Variants in LDLRAD4 observed in about 807,000 individuals in gnomAD.
The protein encoded by LDLRAD4 is low density lipoprotein receptor class A domain containing 4, also known as low-density lipoprotein receptor class A domain-containing protein 4.
In LDLRAD4, 5 loss-of-function variants were observed where a neutral mutation model predicts 17.0. The observed-to-expected ratio is 0.29, with a 90% CI of 0.15 to 0.62. The LOEUF (loss-of-function observed/expected upper bound fraction) is 0.62, where lower values mean the gene tolerates loss of function less well. Among genes scored for constraint, LDLRAD4 ranks in the 20% least tolerant of loss-of-function variants. The probability of loss-of-function intolerance (pLI) is 0.84; values close to 1 mark genes in which losing one functional copy is unlikely to be tolerated. For synonymous variants in LDLRAD4, 168 were observed against 171.8 expected (o/e 0.98, Z 0.17); for missense variants, 340 against 424.7 (o/e 0.80, Z 1.75).
At chr18:13,347,718 G>A (rs551540072) in intron 1 of LDLRAD4, among the ~76,000 whole-genome samples, 146 of 152,282 alleles carry the variant, frequency 9.6e-4, no homozygotes, top group South Asian at 6.4e-3. Context: ...CCAATCAGAC[G>A]TAGATTTGGT....
chr18:13,337,740 T>TAA (rs5823248), intron 1 of LDLRAD4, among the ~76,000 whole-genome samples: 46,340 of 135,664 alleles, frequency 0.34, 7,989 homozygotes, highest in South Asian at 0.44. Flanking sequence ...TTACAAAAAG[T>TAA]AAAAAAAAAA....
intron 1 of LDLRAD4, among the ~76,000 whole-genome samples, chr18:13,304,585 AGG>A (rs1372732452): frequency 6.6e-6 from 1 of 152,212 alleles, no homozygotes; most frequent in Non-Finnish European, 1.5e-5. Flanking sequence ...GACTCCCCTG[AGG>A]AATGAGGCCA....
intron 2 of LDLRAD4, among the ~76,000 whole-genome samples, chr18:13,402,930 A>G (rs2087361085): frequency 6.6e-6 from 1 of 152,242 alleles, no homozygotes; most frequent in Non-Finnish European, 1.5e-5. Context: ...CAAAACTTAG[A>G]AACAACAATA....
intron 3 of LDLRAD4, among the ~76,000 whole-genome samples, chr18:13,571,112 G>T (rs1786490): frequency 0.27 from 40,792 of 151,996 alleles, 6,700 homozygotes; most frequent in African/African-American, 0.46. Flanking sequence ...GAGCCACCAC[G>T]CCTGGCATGC....
chr18:13,329,957 T>C (rs1362062360), intron 1 of LDLRAD4, among the ~76,000 whole-genome samples: 1 of 149,370 alleles, frequency 6.7e-6, no homozygotes, highest in Admixed American at 6.8e-5. Flanking sequence ...TTCCACTCCC[T>C]CCAATTTTTT....
At chr18:13,644,832 C>T (rs1045196754) in intron 5 of LDLRAD4, 7 of 388,902 alleles carry the variant, frequency 1.8e-5, no homozygotes, top group South Asian at 1.2e-4. Flanking sequence ...AAAATGCACA[C>T]GTAGCACGCA....
At chr18:13,584,186 T>G (rs1356822787) in intron 3 of LDLRAD4, among the ~76,000 whole-genome samples, 1 of 152,232 alleles carries the variant, frequency 6.6e-6, no homozygotes, top group Non-Finnish European at 1.5e-5. Context: ...GGACTCCAAT[T>G]GCTTAGGGTT....
At chr18:13,285,269 G>A (rs944946245) in intron 1 of LDLRAD4, among the ~76,000 whole-genome samples, 16 of 152,266 alleles carry the variant, frequency 1.1e-4, no homozygotes, top group African/African-American at 3.9e-4. Flanking sequence ...TCTCAGGAGG[G>A]TTTTGACCTC....
intron 3 of LDLRAD4, chr18:13,472,009 A>G (rs759992990): frequency 6.6e-6 from 1 of 152,226 alleles, no homozygotes; most frequent in Non-Finnish European, 1.5e-5. Context: ...TGTGCAGAGA[A>G]ACTGCACTCT....
At position 13,570,407 on chromosome 18, in the gene LDLRAD4, C is replaced by T. The variant is rs540525973; in HGVS notation, c.182-50710C>T. On this transcript the variant is annotated intron_variant, in intron 3 of 5. Coordinates refer to ENST00000359446, the Ensembl canonical transcript of LDLRAD4. ...GGTCCACACAGGCAGTTATCAGGGC[C>T]AGAGGAGTGGCAGAGACTCCAGCGA... Among the ~76,000 whole-genome samples the T allele has an allele frequency of 9.8e-5, 15 of 152,348 alleles. No homozygotes were observed. The East Asian group carries it at 2.5e-3, about 25-fold the overall frequency.
At chr18:13,290,995 A>T (rs1290647652) in intron 1 of LDLRAD4, among the ~76,000 whole-genome samples, 1 of 152,200 alleles carries the variant, frequency 6.6e-6, no homozygotes, top group African/African-American at 2.4e-5. Flanking sequence ...TGGGGATTTT[A>T]ATTTCCTGGG....
intron 1 of LDLRAD4, among the ~76,000 whole-genome samples, chr18:13,329,642 T>C (rs2081738390): frequency 6.6e-6 from 1 of 152,246 alleles, no homozygotes; most frequent in Non-Finnish European, 1.5e-5. Flanking sequence ...GTCATTTTTT[T>C]CAAACAAGAC....
chr18:13,380,081 T>C lies in LDLRAD4; in HGVS notation c.-382-7260T>C, dbSNP rs371623246. On this transcript the variant is annotated intron_variant, in intron 1 of 5. Transcript: ENST00000359446. ...GGGTGGGGCTGGGTTGGGAGGGGCATTGCCGCTGCTTGGCTGGTGGCCACA... is the reference window on the plus strand; with the variant it reads ...GGGTGGGGCTGGGTTGGGAGGGGCACTGCCGCTGCTTGGCTGGTGGCCACA... Among the ~76,000 whole-genome samples the C allele has an allele frequency of 2.2e-3, 335 of 151,382 alleles. 2 individuals are homozygous for C. The highest frequency in any genetic ancestry group is 7.6e-3 in the African/African-American group (314 of 41,362).
intron 4 of LDLRAD4, among the ~76,000 whole-genome samples, chr18:13,628,067 G>A (rs915051200): frequency 2.6e-5 from 4 of 152,002 alleles, no homozygotes; most frequent in Admixed American, 6.6e-5. Context: ...GGGATCCCTC[G>A]GAGGGCACAG....
intron 4 of LDLRAD4, among the ~76,000 whole-genome samples, chr18:13,623,166 C>A (rs909101341): frequency 6.6e-6 from 1 of 152,236 alleles, no homozygotes; most frequent in Admixed American, 6.5e-5. Flanking sequence ...TCTTCTGTGT[C>A]ATGTGGCGGC....
At chr18:13,420,454 C>CCCCTGTCTAG (rs1320568368) in intron 2 of LDLRAD4, 2 of 152,226 alleles carry the variant, frequency 1.3e-5, no homozygotes, top group African/African-American at 4.8e-5. Flanking sequence ...TAAATAACAG[C>CCCCTGTCTAG]CCCTGTCTAG....
intron 5 of LDLRAD4, among the ~76,000 whole-genome samples, chr18:13,644,417 A>G (rs1416790690): frequency 1.3e-5 from 2 of 151,182 alleles, no homozygotes; most frequent in Non-Finnish European, 1.5e-5. Flanking sequence ...AAAAAAAAAA[A>G]AAAAGCTAGG....
At chr18:13,575,895 C>T (rs562957426) in intron 3 of LDLRAD4, among the ~76,000 whole-genome samples, 3 of 152,286 alleles carry the variant, frequency 2.0e-5, no homozygotes, top group African/African-American at 7.2e-5. Flanking sequence ...CTACTCATGT[C>T]CTCAGCCCAG....
At chr18:13,334,244 CTT>C (rs113071795) in intron 1 of LDLRAD4, among the ~76,000 whole-genome samples, 1 of 148,702 alleles carries the variant, frequency 6.7e-6, no homozygotes, top group African/African-American at 2.4e-5. Flanking sequence ...TTTTTTATTT[CTT>C]TTTTTTTTGA....
Sources: allele counts gnomAD v4.1 joint callset (sites outside exome capture counted in the v4.1 genomes callset), GRCh38; gene constraint gnomAD v4.1.1; transcripts MANE v1.5; gene names NCBI Gene and HGNC (gene_info 2026-07-23, HGNC 2026-07-21).